UNC5C: variants seen among roughly 807,000 people sequenced by gnomAD.
The protein encoded by UNC5C is netrin receptor UNC5C.
UNC5C carries 47 observed loss-of-function variants against 99.8 expected under a neutral mutation model. The observed-to-expected ratio is 0.47, with a 90% CI of 0.37 to 0.60. The LOEUF (loss-of-function observed/expected upper bound fraction) is 0.60. Among genes scored for constraint, UNC5C ranks in the 20% least tolerant of loss-of-function variants. UNC5C has a pLI of 0.00. For missense variants in UNC5C, 1,062 were observed against 1,165.9 expected (o/e 0.91, Z 1.30); for synonymous variants, 487 against 452.2 (o/e 1.08, Z -0.98).
chr4:95,175,788 C>T (rs1242249634), intron 14 of UNC5C, among the ~76,000 whole-genome samples: 7 of 152,192 alleles, frequency 4.6e-5, no homozygotes, highest in Non-Finnish European at 8.8e-5. Flanking sequence ...TGAGTGTTGG[C>T]CTGCCTTGCT....
intron 1 of UNC5C, among the ~76,000 whole-genome samples, chr4:95,351,383 A>C (rs7436599): frequency 2.0e-5 from 3 of 151,216 alleles, no homozygotes. Context: ...CTGTAAGATA[A>C]GACAGAAGTT....
intron 1 of UNC5C, among the ~76,000 whole-genome samples, chr4:95,526,140 G>A (rs1364259886): frequency 6.6e-6 from 1 of 152,104 alleles, no homozygotes; most frequent in East Asian, 1.9e-4. Flanking sequence ...AATCCACTGT[G>A]AGCATGATCT....
At chr4:95,508,044 C>G (rs555094105) in intron 1 of UNC5C, among the ~76,000 whole-genome samples, 174 of 152,136 alleles carry the variant, frequency 1.1e-3, no homozygotes, top group African/African-American at 4.0e-3. Context: ...ATTGGAAAAG[C>G]CTCCTGACCA....
intron 6 of UNC5C, among the ~76,000 whole-genome samples, chr4:95,243,210 A>G (rs1739388376): frequency 6.6e-6 from 1 of 151,964 alleles, no homozygotes; most frequent in Non-Finnish European, 1.5e-5. Context: ...TTCATTTATT[A>G]TTTGATGATG....
At chr4:95,545,244 G>T (rs1380276832) in intron 1 of UNC5C, among the ~76,000 whole-genome samples, 1 of 152,168 alleles carries the variant, frequency 6.6e-6, no homozygotes, top group Non-Finnish European at 1.5e-5. Context: ...ATAAATGTCA[G>T]TTATAATCTA....
At chr4:95,353,883 A>G (rs1744076116) in intron 1 of UNC5C, among the ~76,000 whole-genome samples, 1 of 152,168 alleles carries the variant, frequency 6.6e-6, no homozygotes, top group Non-Finnish European at 1.5e-5. Context: ...TTTAGTGACT[A>G]TAGAATGTAG....
chr4:95,335,371 G>T (rs1179118712), intron 2 of UNC5C, 39 bp downstream of exon 2: 3 of 1,548,950 alleles, frequency 1.9e-6, no homozygotes, highest in South Asian at 2.3e-5. Context: ...GTGAGTAAGT[G>T]AATCTTGAAG....
At chr4:95,342,334 G>A (rs1743610478) in intron 1 of UNC5C, among the ~76,000 whole-genome samples, 1 of 152,004 alleles carries the variant, frequency 6.6e-6, no homozygotes, top group Admixed American at 6.6e-5. Flanking sequence ...GCCACGGTAG[G>A]ATAGGGTACT....
chr4:95,398,278 T>C (rs982551300), intron 1 of UNC5C, among the ~76,000 whole-genome samples: 19 of 152,074 alleles, frequency 1.2e-4, no homozygotes, highest in African/African-American at 3.9e-4. Context: ...GCTGAATAAT[T>C]GAGTCTACTT....
At chr4:95,463,883 A>G (rs2149471998) in intron 1 of UNC5C, among the ~76,000 whole-genome samples, 1 of 152,314 alleles carries the variant, frequency 6.6e-6, no homozygotes, top group South Asian at 2.1e-4. Flanking sequence ...GAACACAAAG[A>G]GGTTTCTGTC....
Position 95,202,973 on chromosome 4 carries a change from C to T in UNC5C, c.1903-9G>A, listed in dbSNP as rs1737743291. ...CCGACCACCACCACATCCTGGGGGA[C>T]AAGAGGGAAGGGCCATGGCTAAGTC... is the stretch of plus-strand genomic sequence containing the variant. On this transcript the variant is annotated splice_polypyrimidine_tract_variant and intron_variant, in intron 11 of 15. Coordinates refer to ENST00000453304, the MANE Select transcript of UNC5C (RefSeq NM_003728.4). 3.1e-6 allele frequency: 5 copies of T among 1,613,856 alleles called. No individual in the cohort carries two copies. The highest frequency in any genetic ancestry group is 4.2e-6 in the Non-Finnish European group (5 of 1,179,942).
At chr4:95,319,675 G>A (rs545569383) in intron 2 of UNC5C, among the ~76,000 whole-genome samples, 15 of 152,250 alleles carry the variant, frequency 9.9e-5, no homozygotes, top group African/African-American at 3.1e-4. Flanking sequence ...TGGTAAACAC[G>A]GGGGAAGACA....
intron 14 of UNC5C, among the ~76,000 whole-genome samples, chr4:95,173,195 A>G (rs1438429631): frequency 6.7e-6 from 1 of 149,970 alleles, no homozygotes; most frequent in African/African-American, 2.4e-5. Flanking sequence ...AACAGGGACA[A>G]TTTGACTTCC....
intron 2 of UNC5C, among the ~76,000 whole-genome samples, chr4:95,332,012 A>G (rs867352185): frequency 6.6e-6 from 1 of 152,138 alleles, no homozygotes; most frequent in Non-Finnish European, 1.5e-5. Flanking sequence ...CCAACTTACA[A>G]GGGACGTGAA....
chr4:95,502,406 C>A (rs1403179816), intron 1 of UNC5C, among the ~76,000 whole-genome samples: 1 of 152,052 alleles, frequency 6.6e-6, no homozygotes, highest in African/African-American at 2.4e-5. Context: ...GCAGCTGGGA[C>A]AACAGTTGCA....
At chr4:95,291,656 T>C (rs544797448) in intron 3 of UNC5C, among the ~76,000 whole-genome samples, 43 of 152,212 alleles carry the variant, frequency 2.8e-4, no homozygotes, top group African/African-American at 9.6e-4. Flanking sequence ...TTTGAAAAAA[T>C]ATAGACTGAC....
At chr4:95,522,221 A>G (rs1722379313) in intron 1 of UNC5C, among the ~76,000 whole-genome samples, 1 of 152,048 alleles carries the variant, frequency 6.6e-6, no homozygotes, top group Admixed American at 6.5e-5. Flanking sequence ...ATATTTTAAA[A>G]GTTTGGAAAA....
At chr4:95,453,412 C>T (rs1747330002) in intron 1 of UNC5C, among the ~76,000 whole-genome samples, 1 of 150,674 alleles carries the variant, frequency 6.6e-6, no homozygotes, top group Admixed American at 6.6e-5. Context: ...ATTCTGGAGC[C>T]AATTCCATAG....
chr4:95,383,907 G>A (rs2149442883), intron 1 of UNC5C, among the ~76,000 whole-genome samples: 1 of 152,048 alleles, frequency 6.6e-6, no homozygotes, highest in East Asian at 1.9e-4. Flanking sequence ...TTTTTGATAA[G>A]ACCAAATGGT....
Sources: gnomAD v4.1 joint callset for allele counts (sites outside exome capture counted in the v4.1 genomes callset) on GRCh38, gnomAD v4.1.1 for gene constraint, MANE v1.5 for transcripts, NCBI Gene and HGNC (gene_info 2026-07-23, HGNC 2026-07-21) for gene names.